Variants in CNTLN observed in about 807,000 individuals in gnomAD.
CNTLN encodes the protein centlein, also known as centlein, centrosomal protein.
Under a neutral mutation model 180.0 loss-of-function variants are expected in CNTLN, and 212 were observed. That is an observed-to-expected ratio of 1.18 (90% confidence interval 1.05 to 1.32). The LOEUF is 1.32. CNTLN is among the 40% of genes most tolerant of loss of function. The probability of loss-of-function intolerance (pLI) is 0.00; values close to 1 mark genes in which losing one functional copy is unlikely to be tolerated. For missense variants in CNTLN, 2,095 were observed against 1,610.9 expected (o/e 1.30, Z -5.14); for synonymous variants, 722 against 563.1 (o/e 1.28, Z -3.99).
At chr9:17,338,412 G>A (rs7022024) in intron 10 of CNTLN, among the ~76,000 whole-genome samples, 84,431 of 143,528 alleles carry the variant, frequency 0.59, 25,186 homozygotes, top group East Asian at 0.73. Context: ...ACCTCAAGTG[G>A]TTTGTCTGGC....
chr9:17,482,655 A>G (rs1031432874), intron 23 of CNTLN, among the ~76,000 whole-genome samples: 11 of 152,208 alleles, frequency 7.2e-5, no homozygotes, highest in African/African-American at 2.2e-4. Flanking sequence ...AAAATCTGAT[A>G]AAGAAGGGTA....
At chr9:17,381,384 A>G (rs1438286719) in intron 13 of CNTLN, among the ~76,000 whole-genome samples, 2 of 152,172 alleles carry the variant, frequency 1.3e-5, no homozygotes, top group Non-Finnish European at 2.9e-5. Context: ...GCAATAACCA[A>G]ACTCATACTA....
rs769556217 is a variant in CNTLN, at chr9:17,298,297, AAGTACTG to A, written c.1094_1100del (p.Val365GlufsTer56). ...CAGGTTCTCAATATGGACACACAAAAAGTACTGAGAAATCAGGAAGATGTTCACACAG... is the reference window on the plus strand; with the variant it reads ...CAGGTTCTCAATATGGACACACAAAAAGAAATCAGGAAGATGTTCACACAG... On this transcript the variant is annotated frameshift_variant, in exon 7 of 26. Transcript: ENST00000380647. LOFTEE classifies it high-confidence loss of function. The A allele has an allele frequency of 6.2e-7, 1 of 1,613,486 alleles. No individual in the cohort carries two copies. The highest frequency in any genetic ancestry group is 8.5e-7 in the Non-Finnish European group (1 of 1,179,816).
At chr9:17,294,713 C>T (rs892059359) in intron 6 of CNTLN, among the ~76,000 whole-genome samples, 13 of 140,954 alleles carry the variant, frequency 9.2e-5, no homozygotes, top group African/African-American at 2.4e-4. Context: ...GACTGGCTGC[C>T]GTGGAGCAGG....
chr9:17,481,478 A>AC (rs1359488811), intron 23 of CNTLN, among the ~76,000 whole-genome samples: 1 of 152,142 alleles, frequency 6.6e-6, no homozygotes, highest in East Asian at 1.9e-4. Context: ...AACAACACTG[A>AC]CCAACCACAC....
chr9:17,505,216 C>T (rs1390650583), downstream of CNTLN, among the ~76,000 whole-genome samples: 1 of 151,984 alleles, frequency 6.6e-6, no homozygotes, highest in Non-Finnish European at 1.5e-5. Context: ...CTACAGCTAA[C>T]ATTGTATGTA....
chr9:17,434,612 C>T lies in CNTLN; in HGVS notation c.3114+18423C>T, dbSNP rs138964941. On this transcript the variant is annotated intron_variant, in intron 18 of 25. Coordinates refer to ENST00000380647, the MANE Select transcript of CNTLN (RefSeq NM_017738.4). ...CTGTGTATATTTCCAAATTTGTTGA[C>T]GTTGGTTTTATGGTCTACATATGGT... 3.8e-3 allele frequency among the ~76,000 whole-genome samples: 575 copies of T among 151,782 alleles called. 8 individuals carry two copies. Among genetic ancestry groups the T allele is most frequent in the Non-Finnish European group, 3.3e-3 (225 of 67,918 alleles).
the CNTLN span, among the ~76,000 whole-genome samples, chr9:17,509,562 T>C: frequency 6.6e-6 from 1 of 152,156 alleles, no homozygotes; most frequent in Non-Finnish European, 1.5e-5. Flanking sequence ...TTTGATAGAA[T>C]AGTGGAATGG....
At chr9:17,406,294 C>T (rs1027681638) in intron 15 of CNTLN, among the ~76,000 whole-genome samples, 6 of 151,836 alleles carry the variant, frequency 4.0e-5, no homozygotes, top group African/African-American at 1.5e-4. Context: ...TTATATCTAT[C>T]ATCAGTTGCC....
intron 18 of CNTLN, among the ~76,000 whole-genome samples, chr9:17,419,133 T>G (rs551225277): frequency 2.0e-4 from 31 of 152,248 alleles, no homozygotes; most frequent in African/African-American, 6.3e-4. Context: ...TTGTTTGTTT[T>G]TTTTACATTT....
intron 5 of CNTLN, among the ~76,000 whole-genome samples, chr9:17,260,611 C>T (rs1298080318): frequency 6.6e-6 from 1 of 151,302 alleles, no homozygotes; most frequent in Non-Finnish European, 1.5e-5. Context: ...AATTTTCTCC[C>T]ATTCTGTATG....
chr9:17,461,947 A>G (rs1000562970), intron 19 of CNTLN, among the ~76,000 whole-genome samples: 1 of 151,792 alleles, frequency 6.6e-6, no homozygotes, highest in East Asian at 1.9e-4. Flanking sequence ...CCTAGGCTCT[A>G]CTGACAACAA....
intron 2 of CNTLN, among the ~76,000 whole-genome samples, chr9:17,173,006 A>G (rs1026136345): frequency 3.9e-5 from 6 of 152,198 alleles, no homozygotes; most frequent in Admixed American, 3.3e-4. Context: ...GATTTCTACA[A>G]ATTTTTTGTG....
At chr9:17,295,786 C>T (rs964694032) in intron 6 of CNTLN, among the ~76,000 whole-genome samples, 1 of 151,884 alleles carries the variant, frequency 6.6e-6, no homozygotes, top group Non-Finnish European at 1.5e-5. Flanking sequence ...TGTACTTTCC[C>T]GAGGGTTGTG....
At chr9:17,378,659 T>G (rs1824979561) in intron 13 of CNTLN, among the ~76,000 whole-genome samples, 1 of 152,214 alleles carries the variant, frequency 6.6e-6, no homozygotes, top group Non-Finnish European at 1.5e-5. Flanking sequence ...TTTCTTCCTT[T>G]GTGGCTTTTC....
At chr9:17,265,955 G>A (rs934487667) in intron 5 of CNTLN, among the ~76,000 whole-genome samples, 1 of 151,812 alleles carries the variant, frequency 6.6e-6, no homozygotes, top group Non-Finnish European at 1.5e-5. Context: ...CTTGCTAGCG[G>A]TCTATCAATT....
intron 8 of CNTLN, among the ~76,000 whole-genome samples, chr9:17,311,792 A>G (rs1819155943): frequency 6.6e-6 from 1 of 152,092 alleles, no homozygotes; most frequent in African/African-American, 2.4e-5. Flanking sequence ...CTGGCAACAG[A>G]GAGACTCCAT....
chr9:17,393,884 T>A (rs964508535), intron 14 of CNTLN, among the ~76,000 whole-genome samples: 6 of 152,156 alleles, frequency 3.9e-5, no homozygotes, highest in African/African-American at 1.4e-4. Flanking sequence ...TCCTTAAGAT[T>A]AACAAATGTG....
chr9:17,344,013 C>A (rs543748383), intron 12 of CNTLN, among the ~76,000 whole-genome samples: 1 of 152,084 alleles, frequency 6.6e-6, no homozygotes, highest in African/African-American at 2.4e-5. Flanking sequence ...TGTATCAATG[C>A]TTTTATCTGA....
Sources: gnomAD v4.1 joint callset for allele counts (sites outside exome capture counted in the v4.1 genomes callset) on GRCh38, gnomAD v4.1.1 for gene constraint, MANE v1.5 for transcripts, NCBI Gene and HGNC (gene_info 2026-07-23, HGNC 2026-07-21) for gene names.